Variants in ZC3H12B observed in about 807,000 individuals in gnomAD.
ZC3H12B encodes the protein probable ribonuclease ZC3H12B.
A neutral mutation model predicts 43.9 loss-of-function variants in ZC3H12B; 7 were observed. That is an observed-to-expected ratio of 0.16 (90% CI 0.09 to 0.30). The LOEUF (loss-of-function observed/expected upper bound fraction) is 0.30. ZC3H12B is among the 10% of genes least tolerant of loss of function. ZC3H12B has a pLI of 1.00. For synonymous variants in ZC3H12B, 222 were observed against 241.7 expected, an observed-to-expected ratio of 0.92 and a Z score of 0.76; for missense variants, 475 against 670.2, an observed-to-expected ratio of 0.71 and a Z score of 3.22.
At chrX:65,152,282 A>G in the ZC3H12B span, among the ~76,000 whole-genome samples, 3 of 111,792 alleles carry the variant, frequency 2.7e-5, no homozygotes, top group Non-Finnish European at 5.6e-5. Context: ...GGAAAAGAGG[A>G]AGTCAAATTG....
At chrX:65,191,543 G>A in the ZC3H12B span, among the ~76,000 whole-genome samples, 14 of 101,384 alleles carry the variant, frequency 1.4e-4, no homozygotes, top group Admixed American at 3.0e-4. Context: ...TGTATGTGTC[G>A]AGTAATTTAT....
At chrX:65,310,207 AT>A in the ZC3H12B span, among the ~76,000 whole-genome samples, 2 of 111,919 alleles carry the variant, frequency 1.8e-5, no homozygotes, top group African/African-American at 6.5e-5. Flanking sequence ...AGGAAGTCAA[AT>A]TGTCCCTGTG....
chrX:65,501,918 G>A (rs1334146768), exon 5 of ZC3H12B: 3 of 1,210,620 alleles, frequency 2.5e-6, no homozygotes, highest in Non-Finnish European at 3.4e-6. Flanking sequence ...ATGAGTGAAG[G>A]CACCCTGGCC....
the ZC3H12B span, among the ~76,000 whole-genome samples, chrX:65,058,278 G>T: frequency 8.9e-6 from 1 of 112,033 alleles, no homozygotes; most frequent in African/African-American, 3.2e-5. Flanking sequence ...TGTCCTTTCT[G>T]TTTGTTTTCC....
chrX:65,234,286 A>T, the ZC3H12B span, among the ~76,000 whole-genome samples: 1 of 112,285 alleles, frequency 8.9e-6, no homozygotes, highest in African/African-American at 3.2e-5. Context: ...TATGCCAAAT[A>T]AATACTTGAT....
the ZC3H12B span, among the ~76,000 whole-genome samples, chrX:65,291,953 T>A: frequency 2.7e-5 from 3 of 111,796 alleles, no homozygotes; most frequent in Admixed American, 9.5e-5. Flanking sequence ...GATGAAGGGA[T>A]TAATTCTCTA....
chrX:65,406,341 A>C (rs1225775375), intron 3 of ZC3H12B, among the ~76,000 whole-genome samples: 3 of 99,369 alleles, frequency 3.0e-5, no homozygotes, highest in Admixed American at 2.3e-4. Context: ...ATGGTCCAAC[A>C]TATGCAAATC....
At chrX:65,193,190 A>T in the ZC3H12B span, among the ~76,000 whole-genome samples, 2 of 109,752 alleles carry the variant, frequency 1.8e-5, no homozygotes, top group Non-Finnish European at 3.8e-5. Context: ...TGAGTATGGA[A>T]GTCTTCCTTC....
the ZC3H12B span, among the ~76,000 whole-genome samples, chrX:65,336,436 A>G: frequency 9.1e-6 from 1 of 109,717 alleles, no homozygotes; most frequent in Non-Finnish European, 1.9e-5. Context: ...TGGGGAAGCT[A>G]GATTAACATT....
At chrX:65,125,492 A>G in the ZC3H12B span, among the ~76,000 whole-genome samples, 1 of 111,492 alleles carries the variant, frequency 9.0e-6, no homozygotes, top group Non-Finnish European at 1.9e-5. Flanking sequence ...TGTTAAGTCC[A>G]TTTGTTGTAG....
the ZC3H12B span, among the ~76,000 whole-genome samples, chrX:65,231,076 A>G: frequency 9.0e-6 from 1 of 111,721 alleles, no homozygotes; most frequent in African/African-American, 3.3e-5. Flanking sequence ...TGAGAAATAA[A>G]AAGAAAGAGT....
chrX:65,119,870 G>T, the ZC3H12B span, among the ~76,000 whole-genome samples: 1 of 111,900 alleles, frequency 8.9e-6, no homozygotes, highest in African/African-American at 3.2e-5. Context: ...CATATGGCTA[G>T]CCAGTTTTCC....
chrX:65,373,909 T>TATATATACTATATATATAG lies in ZC3H12B; in HGVS notation n.295+4911_295+4912insATATATACTATATATATAG, dbSNP rs1412172865. On this transcript the variant is annotated intron_variant and non_coding_transcript_variant, in intron 2 of 5. Transcript: ENST00000617377. The stretch of plus-strand genomic sequence containing the variant: ...AAAGTATAGTAATATATATATATAG[T>TATATATACTATATATATAG]TATATATATATACTATATATATAGT... Among the ~76,000 whole-genome samples, 2 of 981 alleles carry TATATATACTATATATATAG rather than the reference T, an allele frequency of 2.0e-3. 1 individual carries two copies. Among genetic ancestry groups the TATATATACTATATATATAG allele is most frequent in the African/African-American group, 4.1e-3 (2 of 488 alleles). 0.9% of individuals were successfully genotyped at this position (981 alleles called of 115,157 possible). A position where few individuals can be genotyped will look rare whatever the true frequency, so the allele number is the denominator to read the frequency against.
the ZC3H12B span, among the ~76,000 whole-genome samples, chrX:65,318,838 T>A: frequency 1.3e-4 from 15 of 111,463 alleles, no homozygotes; most frequent in Non-Finnish European, 2.8e-4. Flanking sequence ...GGGTGGACAA[T>A]GAAATTAAGG....
chrX:65,215,901 T>C, the ZC3H12B span, among the ~76,000 whole-genome samples: 1 of 111,418 alleles, frequency 9.0e-6, no homozygotes, highest in African/African-American at 3.3e-5. Flanking sequence ...CAATATATTT[T>C]TGTCTCAGGG....
chrX:65,464,081 G>T (rs752292639), intron 3 of ZC3H12B, among the ~76,000 whole-genome samples: 1 of 112,210 alleles, frequency 8.9e-6, no homozygotes, highest in East Asian at 2.8e-4. Flanking sequence ...TTAGATAAAT[G>T]TTCTACTATT....
At chrX:65,339,891 TG>T in the ZC3H12B span, among the ~76,000 whole-genome samples, 6 of 111,760 alleles carry the variant, frequency 5.4e-5, no homozygotes, top group Non-Finnish European at 1.1e-4. Context: ...TCTGGCATGG[TG>T]GGGGGCTGGG....
the ZC3H12B span, among the ~76,000 whole-genome samples, chrX:65,322,965 TTG>T: frequency 1.8e-5 from 2 of 112,082 alleles, no homozygotes; most frequent in Admixed American, 9.5e-5. Context: ...ATTATATTTT[TTG>T]TGTTAGTGAT....
the ZC3H12B span, among the ~76,000 whole-genome samples, chrX:65,255,347 A>G: frequency 7.5e-4 from 84 of 112,128 alleles, 1 homozygote; most frequent in East Asian, 0.022. Flanking sequence ...TCAGGCTACC[A>G]GTGGAACCTT....
Sources: allele counts gnomAD v4.1 joint callset (sites outside exome capture counted in the v4.1 genomes callset), GRCh38; gene constraint gnomAD v4.1.1; transcripts MANE v1.5; gene names NCBI Gene and HGNC (gene_info 2026-07-23, HGNC 2026-07-21).